Variants in NUCB2 observed in about 807,000 individuals in gnomAD.
NUCB2 encodes nucleobindin-2.
NUCB2 carries 48 observed loss-of-function variants against 57.9 expected under a neutral mutation model. The ratio of observed to expected loss-of-function variants is 0.83; its 90% CI spans 0.66 to 1.05. The LOEUF is 1.05. NUCB2 is among the 50% of genes least tolerant of loss of function. The pLI is 0.00. For synonymous variants in NUCB2, 139 were observed against 152.1 expected, an observed-to-expected ratio of 0.91 and a Z score of 0.64; for missense variants, 442 against 476.2, an observed-to-expected ratio of 0.93 and a Z score of 0.67.
intron 8 of NUCB2, 174 bp from the exon 9 acceptor site, chr11:17,311,698 A>G (rs566054680): frequency 3.2e-4 from 164 of 507,406 alleles, no homozygotes; most frequent in Middle Eastern, 2.6e-3. Flanking sequence ...TAAATACAGC[A>G]TATTTATCAG....
intron 4 of NUCB2, among the ~76,000 whole-genome samples, chr11:17,299,628 G>T (rs977742175): frequency 2.0e-5 from 3 of 152,144 alleles, no homozygotes; most frequent in African/African-American, 7.2e-5. Context: ...AACAAGCCAG[G>T]TGCGGTGGCT....
At chr11:17,324,088 TCTA>T (rs1475522166) in intron 11 of NUCB2, among the ~76,000 whole-genome samples, 4 of 152,162 alleles carry the variant, frequency 2.6e-5, no homozygotes, top group African/African-American at 9.6e-5. Flanking sequence ...TTTTTCATCT[TCTA>T]CTAATTTTGG....
At chr11:17,339,051 A>C (rs1406773969) in intron 2 of NUCB2, among the ~76,000 whole-genome samples, 5 of 151,246 alleles carry the variant, frequency 3.3e-5, no homozygotes, top group Non-Finnish European at 7.4e-5. Flanking sequence ...GCAGTGGCGC[A>C]ATCTTGCCTC....
intron 11 of NUCB2, among the ~76,000 whole-genome samples, chr11:17,324,778 GTCTATTTATTTA>G (rs1950450924): frequency 7.8e-6 from 1 of 128,904 alleles, no homozygotes; most frequent in African/African-American, 3.1e-5. Flanking sequence ...TTGTCTATTT[GTCTATTTATTTA>G]TTTATTTATT....
intron 4 of NUCB2, among the ~76,000 whole-genome samples, chr11:17,299,622 A>G (rs1229427014): frequency 6.6e-6 from 1 of 152,004 alleles, no homozygotes; most frequent in African/African-American, 2.4e-5. Context: ...AAAAATAACA[A>G]GCCAGGTGCG....
chr11:17,298,257 C>T (rs960672280), intron 4 of NUCB2, among the ~76,000 whole-genome samples: 1 of 151,530 alleles, frequency 6.6e-6, no homozygotes, highest in African/African-American at 2.4e-5. Context: ...AAAAATTATC[C>T]TTCAAATTAA....
At chr11:17,336,976 T>A (rs1591619685), downstream of NUCB2, among the ~76,000 whole-genome samples, 1 of 152,060 alleles carries the variant, frequency 6.6e-6, no homozygotes, top group African/African-American at 2.4e-5. Context: ...GGTCTCTCTC[T>A]GTCATCCAGG....
At chr11:17,295,503 C>T in intron 3 of NUCB2, 36 bp downstream of exon 3, 1 of 1,439,028 alleles carries the variant, frequency 6.9e-7, no homozygotes, top group Non-Finnish European at 9.7e-7. Context: ...GGAATTATAA[C>T]TAAATGAAAT....
intron 11 of NUCB2, among the ~76,000 whole-genome samples, chr11:17,328,243 A>T (rs577997332): frequency 2.0e-5 from 3 of 152,318 alleles, no homozygotes; most frequent in African/African-American, 7.2e-5. Context: ...TTCCAAACAA[A>T]TGGTCTCTCT....
exon 3 of NUCB2, chr11:17,349,847 T>A (rs1217779989): frequency 6.6e-6 from 1 of 152,206 alleles, no homozygotes; most frequent in Non-Finnish European, 1.5e-5. Flanking sequence ...TCCAAAATTG[T>A]ATGTGATATT....
At chr11:17,296,246 T>G in intron 4 of NUCB2, 35 bp downstream of exon 4, 1 of 1,345,160 alleles carries the variant, frequency 7.4e-7, no homozygotes, top group African/African-American at 1.5e-5. Flanking sequence ...CATATATGTA[T>G]CTTAATTTAA....
rs1952917777 is a variant in NUCB2, at chr11:17,348,319, G to GGT, written n.2627-1026_2627-1025insGT. ...TGAGGTGTTTTTTGTTTGTTTTTGT[G>GGT]TTTTTTTTTTTTTTTTTTTTTTTTT... On this transcript the variant is annotated intron_variant and non_coding_transcript_variant, in intron 2 of 2. Transcript: ENST00000532240. Among the ~76,000 whole-genome samples the GGT allele has an allele frequency of 2.2e-3, 186 of 84,456 alleles. 29 individuals are homozygous for GGT. The highest frequency in any genetic ancestry group is 8.9e-3 in the African/African-American group (178 of 20,054). The allele number at this position is 84,456 out of a possible 152,430, so 55.4% of individuals were successfully genotyped here.
intron 2 of NUCB2, among the ~76,000 whole-genome samples, chr11:17,293,006 C>T (rs1345125727): frequency 6.6e-6 from 1 of 152,064 alleles, no homozygotes; most frequent in African/African-American, 2.4e-5. Context: ...GTAATTTCAG[C>T]ACTTTGGGAG....
At chr11:17,311,375 T>G in intron 8 of NUCB2, 92 bp downstream of exon 8, 1 of 841,066 alleles carries the variant, frequency 1.2e-6, no homozygotes, top group African/African-American at 1.7e-5. Context: ...GGTCTGCTAT[T>G]GAGTTCTAGT....
intron 2 of NUCB2, among the ~76,000 whole-genome samples, chr11:17,348,699 A>G (rs1373266316): frequency 6.6e-6 from 1 of 151,706 alleles, no homozygotes; most frequent in East Asian, 1.9e-4. Flanking sequence ...CGTCACTCCT[A>G]GATTGTGCCT....
intron 11 of NUCB2, among the ~76,000 whole-genome samples, chr11:17,321,866 A>T (rs1437582960): frequency 3.3e-5 from 5 of 152,032 alleles, no homozygotes; most frequent in Admixed American, 6.6e-5. Flanking sequence ...GCACTTTTTC[A>T]TATGCCTGTT....
intron 2 of NUCB2, among the ~76,000 whole-genome samples, chr11:17,293,109 C>T (rs2138332295): frequency 6.6e-6 from 1 of 152,114 alleles, no homozygotes; most frequent in East Asian, 1.9e-4. Flanking sequence ...CAAAAATTAG[C>T]TGGGCGTGGT....
chr11:17,331,151 A>C (rs975073778), intron 13 of NUCB2, 168 bp downstream of exon 13: 5 of 608,950 alleles, frequency 8.2e-6, no homozygotes, highest in Non-Finnish European at 1.4e-5. Context: ...AAATGCCTCC[A>C]AAAGTTTTAT....
At chr11:17,345,996 G>A (rs1293687250) in intron 2 of NUCB2, among the ~76,000 whole-genome samples, 4 of 152,028 alleles carry the variant, frequency 2.6e-5, no homozygotes, top group Admixed American at 2.6e-4. Flanking sequence ...TCTAGTCGTT[G>A]TTTGTATAGG....
Sources: allele counts gnomAD v4.1 joint callset (sites outside exome capture counted in the v4.1 genomes callset), GRCh38; gene constraint gnomAD v4.1.1; transcripts MANE v1.5; gene names NCBI Gene and HGNC (gene_info 2026-07-23, HGNC 2026-07-21).